Variants in COL4A1 observed in about 807,000 individuals in gnomAD.
The protein encoded by COL4A1 is collagen alpha-1(IV) chain.
COL4A1 carries 40 observed loss-of-function variants against 216.6 expected under a neutral mutation model. That is an observed-to-expected ratio of 0.18 (90% CI 0.14 to 0.24). The LOEUF (loss-of-function observed/expected upper bound fraction) is 0.24. Ranked by LOEUF, COL4A1 falls within the 10% of genes least tolerant of loss-of-function variation. COL4A1 has a pLI of 1.00. For missense variants in COL4A1, 1,628 were observed against 2,196.8 expected (o/e 0.74, Z 5.18); for synonymous variants, 839 against 810.7 (o/e 1.03, Z -0.59).
intron 1 of COL4A1, among the ~76,000 whole-genome samples, chr13:110,306,538 T>C (rs1315916470): frequency 3.3e-5 from 5 of 151,914 alleles, no homozygotes; most frequent in Admixed American, 3.3e-4. Flanking sequence ...TGTGGGTCTC[T>C]GAGCAGCGCG....
chr13:110,252,842 T>C (rs1420802375), intron 1 of COL4A1, among the ~76,000 whole-genome samples: 1 of 131,504 alleles, frequency 7.6e-6, no homozygotes, highest in Non-Finnish European at 1.6e-5. Context: ...CATATACAGA[T>C]AACTATAAGT....
chr13:110,209,555 G>A (rs1451090844), intron 10 of COL4A1, 128 bp from the exon 11 acceptor site: 1 of 784,340 alleles, frequency 1.3e-6, no homozygotes, highest in Non-Finnish European at 2.1e-6. Context: ...TATTTTTCCT[G>A]GGCTTCCCCT....
At chr13:110,300,057 TATAC>T (rs1319462227) in intron 1 of COL4A1, among the ~76,000 whole-genome samples, 1 of 152,216 alleles carries the variant, frequency 6.6e-6, no homozygotes, top group African/African-American at 2.4e-5. Flanking sequence ...TACATAGTAA[TATAC>T]ATATAAATAA....
intron 26 of COL4A1, among the ~76,000 whole-genome samples, chr13:110,183,551 C>T (rs893048459): frequency 6.6e-6 from 1 of 152,216 alleles, no homozygotes; most frequent in Non-Finnish European, 1.5e-5. Context: ...TTAAGAGTCA[C>T]AAGAAGCTGA....
At chr13:110,192,127 T>C in intron 24 of COL4A1, 87 bp downstream of exon 24, 1 of 1,371,944 alleles carries the variant, frequency 7.3e-7, no homozygotes, top group South Asian at 1.2e-5. Context: ...GCAGAAGCCA[T>C]GCTTGCAAAT....
At chr13:110,281,046 A>G (rs551939961) in intron 1 of COL4A1, among the ~76,000 whole-genome samples, 4 of 152,344 alleles carry the variant, frequency 2.6e-5, no homozygotes, top group African/African-American at 9.6e-5. Flanking sequence ...CTCGAGCATA[A>G]AAACAATTCT....
chr13:110,186,698 GGCCACCTT>G, intron 25 of COL4A1, 145 bp from the exon 26 acceptor site: 1 of 1,013,110 alleles, frequency 9.9e-7, no homozygotes, highest in Non-Finnish European at 1.4e-6. Flanking sequence ...CTCCCAGGAG[GGCCACCTT>G]GTAGTTAATA....
At chr13:110,266,653 T>G (rs1021357069) in intron 1 of COL4A1, among the ~76,000 whole-genome samples, 2 of 152,098 alleles carry the variant, frequency 1.3e-5, no homozygotes, top group African/African-American at 4.8e-5. Flanking sequence ...GGATATAAAA[T>G]TGCAACAATG....
chr13:110,286,373 A>C (rs1883844643), intron 1 of COL4A1, among the ~76,000 whole-genome samples: 1 of 152,190 alleles, frequency 6.6e-6, no homozygotes, highest in Admixed American at 6.5e-5. Context: ...GAGCAGGCTA[A>C]AGGGAGAGAT....
intron 2 of COL4A1, among the ~76,000 whole-genome samples, chr13:110,219,702 A>ATACATATGTG (rs1880303802): frequency 8.6e-6 from 1 of 115,942 alleles, no homozygotes; most frequent in Non-Finnish European, 1.7e-5. Context: ...ATATATATGT[A>ATACATATGTG]TATACATATG....
In COL4A1 at chr13:110,152,472, G is replaced by A. The variant is rs1238782361; in HGVS notation, c.4790C>T (p.Ala1597Val). 6.2e-7 allele frequency: 1 copy of A among 1,613,594 alleles called. No homozygotes were observed. Among genetic ancestry groups the A allele is most frequent in the Non-Finnish European group, 8.5e-7 (1 of 1,180,008 alleles). Residue 1597 changes from alanine to valine, a missense_variant, in exon 51 of 52, where the codon GCC (alanine) becomes GTC (valine). Ala to Val is a moderately conservative substitution (Grantham distance 64). Around this residue, in one of 8 missense-constraint regions of COL4A1, gnomAD observed 254 missense variants for 300.1 expected, o/e 0.85. Transcript: ENST00000375820. ...TSAGAEGSGQ[A>V]LASPGSCLEE... The stretch of plus-strand genomic sequence containing the variant: ...CAGGCAGGAGCCGGGGGACGCCAGG[G>A]CTTGGCCAGAGCCTTCTGCACCAGC...
chr13:110,231,908 G>A (rs1254846202), intron 2 of COL4A1, among the ~76,000 whole-genome samples: 5 of 152,294 alleles, frequency 3.3e-5, no homozygotes, highest in South Asian at 4.1e-4. Context: ...ACAGCGGGAC[G>A]CCCACAGAAA....
intron 1 of COL4A1, among the ~76,000 whole-genome samples, chr13:110,267,112 C>T (rs142579269): frequency 1.3e-5 from 2 of 152,266 alleles, no homozygotes; most frequent in African/African-American, 4.8e-5. Context: ...GCGAGGGCAG[C>T]GGCTGCTGAG....
chr13:110,178,334 G>A (rs2139164502), intron 31 of COL4A1, 103 bp from the exon 32 acceptor site: 1 of 1,428,686 alleles, frequency 7.0e-7, no homozygotes, highest in Non-Finnish European at 9.8e-7. Flanking sequence ...AAGCCCGTGA[G>A]CACGCCCACA....
At chr13:110,261,455 G>A (rs1212239013) in intron 1 of COL4A1, among the ~76,000 whole-genome samples, 1 of 152,228 alleles carries the variant, frequency 6.6e-6, no homozygotes, top group East Asian at 1.9e-4. Context: ...TTTAGATTTG[G>A]AGAGCAAAAA....
chr13:110,225,456 G>A (rs1857367), intron 2 of COL4A1, among the ~76,000 whole-genome samples: 28,795 of 152,116 alleles, frequency 0.19, 2,822 homozygotes, highest in Middle Eastern at 0.26. Flanking sequence ...GGTGGCACAC[G>A]CCTGTAATCT....
intron 49 of COL4A1, chr13:110,160,956 G>T: frequency 1.9e-6 from 1 of 535,454 alleles, no homozygotes; most frequent in Non-Finnish European, 3.3e-6. Flanking sequence ...CAACCCTCTC[G>T]CCTCGGCTTC....
In COL4A1 at chr13:110,152,318, C is replaced by G; in HGVS notation, c.4928+16G>C. ...AAGGGGCCAGCAGCCTGCAAAAAAG[C>G]AGTGCTCCCACTTACTTGAACATCT... On this transcript the variant is annotated intron_variant, in intron 51 of 51. Coordinates refer to ENST00000375820, the MANE Select transcript of COL4A1 (RefSeq NM_001845.6). 6.2e-7 allele frequency: 1 copy of G among 1,613,958 alleles called. No homozygotes were observed. The highest frequency in any genetic ancestry group is 8.5e-7 in the Non-Finnish European group (1 of 1,180,000).
chr13:110,200,605 T>A lies in COL4A1; in HGVS notation c.1120+249A>T, dbSNP rs1173284267. ...GGGGTTACATCAGAGCTGGGCAGAA[T>A]AGATCTGGATCCCCAGGAGAGACAT... is the stretch of plus-strand genomic sequence containing the variant. On this transcript the variant is annotated intron_variant, in intron 20 of 51. Transcript: ENST00000375820. 2.0e-5 allele frequency among the ~76,000 whole-genome samples: 3 copies of A among 152,038 alleles called. No individual in the cohort carries two copies. The East Asian group carries it at 5.8e-4, about 29-fold the overall frequency.
Sources: allele counts gnomAD v4.1 joint callset (sites outside exome capture counted in the v4.1 genomes callset), GRCh38; gene constraint gnomAD v4.1.1; regional missense constraint gnomAD v4.1.1; transcripts MANE v1.5; gene names NCBI Gene and HGNC (gene_info 2026-07-23, HGNC 2026-07-21).